Variants in GNG10 observed in about 807,000 individuals in gnomAD.
GNG10 encodes the protein guanine nucleotide-binding protein G(I)/G(S)/G(O) subunit gamma-10.
A neutral mutation model predicts 6.8 loss-of-function variants in GNG10; 7 were observed. The ratio of observed to expected loss-of-function variants is 1.02; its 90% CI spans 0.58 to 1.92. GNG10 has a LOEUF of 1.92. GNG10 is among the 30% of genes most tolerant of loss of function. The probability of loss-of-function intolerance (pLI) is 0.00; values close to 1 mark genes in which losing one functional copy is unlikely to be tolerated. For missense variants in GNG10, 57 were observed against 86.1 expected, an observed-to-expected ratio of 0.66 and a Z score of 1.34; for synonymous variants, 28 against 34.8, an observed-to-expected ratio of 0.80 and a Z score of 0.69.
intron 1 of GNG10, among the ~76,000 whole-genome samples, chr9:111,665,660 G>A (rs1217939662): frequency 6.6e-6 from 1 of 152,128 alleles, no homozygotes; most frequent in Non-Finnish European, 1.5e-5. Context: ...AGACTCTTGA[G>A]GACTAGCTTG....
chr9:111,662,081 G>A (rs1192843060), intron 1 of GNG10, among the ~76,000 whole-genome samples: 1 of 152,160 alleles, frequency 6.6e-6, no homozygotes, highest in African/African-American at 2.4e-5. Context: ...AATTGGTGAT[G>A]GATTGGTAGG....
chr9:111,663,683 G>T (rs1830857230), intron 1 of GNG10, among the ~76,000 whole-genome samples: 1 of 152,140 alleles, frequency 6.6e-6, no homozygotes, highest in Non-Finnish European at 1.5e-5. Context: ...GCTGTTTGAG[G>T]GGAAGAAGTC....
At chr9:111,667,838 A>T (rs1830928747) in intron 2 of GNG10, among the ~76,000 whole-genome samples, 1 of 152,114 alleles carries the variant, frequency 6.6e-6, no homozygotes, top group African/African-American at 2.4e-5. Flanking sequence ...AATGCTTTGT[A>T]TTGGGGTCAT....
intron 2 of GNG10, 121 bp downstream of exon 2, chr9:111,667,067 C>A: frequency 1.4e-6 from 2 of 1,441,548 alleles, no homozygotes; most frequent in Non-Finnish European, 1.8e-6. Context: ...CAAGAGCCAG[C>A]AAAATGCACA....
rs111506792 is a variant in GNG10 at position 111,665,789 on chromosome 9, C to T, written c.82-1026C>T. On this transcript the variant is annotated intron_variant, in intron 1 of 2. Coordinates refer to ENST00000374293, the MANE Select transcript of GNG10 (RefSeq NM_001017998.4). ...TCACCCAGCTTGGAGTGCAATGGTG[C>T]GATCTCGGCTCACTGAAACCTCCGC... Among the ~76,000 whole-genome samples the T allele has an allele frequency of 1.2e-3, 186 of 151,900 alleles. 2 individuals are homozygous for T. The highest frequency in any genetic ancestry group is 4.1e-3 in the African/African-American group (170 of 41,414).
intron 1 of GNG10, among the ~76,000 whole-genome samples, chr9:111,665,956 G>A (rs1041569910): frequency 2.1e-5 from 3 of 144,192 alleles, no homozygotes; most frequent in Non-Finnish European, 3.0e-5. Context: ...GGCTGGTCTC[G>A]AACTCCTGAC....
chr9:111,661,719 C>G lies in GNG10; in HGVS notation c.81+4C>G, dbSNP rs751678630. 7.5e-7 allele frequency: 1 copy of G among 1,338,380 alleles called. No homozygotes were observed. Among genetic ancestry groups the G allele is most frequent in the South Asian group, 1.7e-5 (1 of 58,952 alleles). 82.9% of individuals were successfully genotyped at this position (1,338,380 alleles called of 1,614,324 possible). ...GGCTGGCGTGGAGAGGATCAAGGTGCGGGCCCCGGGTACCCACGCTCCGGT... is the reference window on the plus strand; with the variant it reads ...GGCTGGCGTGGAGAGGATCAAGGTGGGGGCCCCGGGTACCCACGCTCCGGT... On this transcript the variant is annotated splice_donor_region_variant and intron_variant, in intron 1 of 2. Transcript: ENST00000374293. The surrounding 1 kb of genome is among the most constrained non-coding windows in gnomAD (Gnocchi z 6.1).
At chr9:111,663,915 G>A (rs1195130262) in intron 1 of GNG10, among the ~76,000 whole-genome samples, 9 of 151,664 alleles carry the variant, frequency 5.9e-5, no homozygotes. Flanking sequence ...CTGCCTCCCA[G>A]GTTCAAGCGA....
intron 1 of GNG10, among the ~76,000 whole-genome samples, chr9:111,662,505 C>T (rs1186359342): frequency 6.6e-6 from 1 of 152,180 alleles, no homozygotes; most frequent in East Asian, 1.9e-4. Flanking sequence ...AAACTGGGGG[C>T]TCAGTCAACA....
chr9:111,666,384 T>C (rs188693277), intron 1 of GNG10, among the ~76,000 whole-genome samples: 11 of 152,310 alleles, frequency 7.2e-5, no homozygotes, highest in Admixed American at 1.3e-4. Flanking sequence ...GCGGAAGAAC[T>C]TTATCACTTG....
At chr9:111,668,451 C>G (rs1830942917) in intron 2 of GNG10, among the ~76,000 whole-genome samples, 2 of 144,506 alleles carry the variant, frequency 1.4e-5, no homozygotes. Context: ...CTCCCCTCCC[C>G]TCTTCTTCCC....
chr9:111,668,940 T>G (rs186462335), intron 2 of GNG10, among the ~76,000 whole-genome samples: 65 of 152,164 alleles, frequency 4.3e-4, no homozygotes, highest in Non-Finnish European at 1.0e-4. Flanking sequence ...CACCACAACC[T>G]CTGCCTCCCG....
chr9:111,664,961 TGA>T (rs1214340324), intron 1 of GNG10, among the ~76,000 whole-genome samples: 1 of 152,202 alleles, frequency 6.6e-6, no homozygotes, highest in Non-Finnish European at 1.5e-5. Flanking sequence ...GAGCTTCTAT[TGA>T]GAGCAAAAGC....
intron 2 of GNG10, among the ~76,000 whole-genome samples, chr9:111,668,365 T>A (rs1022632973): frequency 6.6e-6 from 1 of 151,874 alleles, no homozygotes; most frequent in African/African-American, 2.4e-5. Context: ...TGTTCATATT[T>A]ATGGTGTTAA....
Position 111,666,930 on chromosome 9 carries a change from C to G in GNG10, c.197C>G (p.Ala66Gly), listed in dbSNP as rs377200861. The G allele has an allele frequency of 1.2e-6, 2 of 1,614,092 alleles. No homozygotes were observed. The highest frequency in any genetic ancestry group is 1.7e-6 in the Non-Finnish European group (2 of 1,179,994). Residue 66 changes from alanine (A) to glycine (G), a missense_variant, in exon 2 of 3, where the codon GCT becomes GGT. Coordinates refer to ENST00000374293, the MANE Select transcript of GNG10 (RefSeq NM_001017998.4). ...CCCTTCCGGGAGCCTAGATCCTGTG[C>G]TTTACTCTGAAGACTCGTGAGTAAT... ...SNPFREPRSC[A>G]LL
At chr9:111,662,368 C>A (rs755574594) in intron 1 of GNG10, among the ~76,000 whole-genome samples, 22 of 152,074 alleles carry the variant, frequency 1.4e-4, no homozygotes, top group Non-Finnish European at 2.5e-4. Context: ...GACCCGGGGA[C>A]CAGCCACACC....
intron 1 of GNG10, among the ~76,000 whole-genome samples, chr9:111,665,893 ATTTTTTTT>A (rs571066443): frequency 8.2e-6 from 1 of 121,874 alleles, no homozygotes. Flanking sequence ...CACCCGGTTA[ATTTTTTTT>A]TTTTTTTTTT....
chr9:111,664,392 G>C (rs1027646248), intron 1 of GNG10, among the ~76,000 whole-genome samples: 1 of 152,122 alleles, frequency 6.6e-6, no homozygotes, highest in South Asian at 2.1e-4. Flanking sequence ...CATAGCCAGA[G>C]GTGTCTTCTC....
chr9:111,663,469 C>T (rs1830855324), intron 1 of GNG10, among the ~76,000 whole-genome samples: 2 of 149,112 alleles, frequency 1.3e-5, no homozygotes, highest in African/African-American at 4.9e-5. Flanking sequence ...CAGCCAGCCT[C>T]CTGGTGATAG....
Sources: allele counts gnomAD v4.1 joint callset (sites outside exome capture counted in the v4.1 genomes callset), GRCh38; gene constraint gnomAD v4.1.1; non-coding constraint Gnocchi (gnomAD v3.1); transcripts MANE v1.5; gene names NCBI Gene and HGNC (gene_info 2026-07-23, HGNC 2026-07-21).